FTO: variants seen among roughly 807,000 people sequenced by gnomAD.
The protein encoded by FTO is FTO alpha-ketoglutarate dependent dioxygenase.
FTO carries 47 observed loss-of-function variants against 63.9 expected under a neutral mutation model. That is an observed-to-expected ratio of 0.74 (90% CI 0.58 to 0.94). FTO has a LOEUF of 0.94. Among genes scored for constraint, FTO ranks in the 40% least tolerant of loss-of-function variants. FTO has a pLI of 0.00. For missense variants in FTO, 562 were observed against 618.1 expected, an observed-to-expected ratio of 0.91 and a Z score of 0.96; for synonymous variants, 207 against 224.4, an observed-to-expected ratio of 0.92 and a Z score of 0.69.
intron 8 of FTO, among the ~76,000 whole-genome samples, chr16:54,007,181 A>G (rs2084227398): frequency 6.6e-6 from 1 of 152,224 alleles, no homozygotes; most frequent in Non-Finnish European, 1.5e-5. Flanking sequence ...TCAGAGTGAA[A>G]AAGAATGGTC....
intron 1 of FTO, among the ~76,000 whole-genome samples, chr16:53,728,889 G>A (rs922570628): frequency 6.6e-6 from 1 of 150,928 alleles, no homozygotes; most frequent in African/African-American, 2.4e-5. Context: ...CAGCCTCCAA[G>A]TAGCTGGGAC....
Position 54,112,298 on chromosome 16 carries a change from A to C in FTO, c.*383A>C, listed in dbSNP as rs571932501. The C allele has an allele frequency of 3.3e-6, 1 of 303,636 alleles. No individual in the cohort carries two copies. The highest frequency in any genetic ancestry group is 8.5e-5 in the East Asian group (1 of 11,756). 18.8% of individuals were successfully genotyped at this position (303,636 alleles called of 1,614,324 possible). A position where few individuals can be genotyped will look rare whatever the true frequency, so the allele number is the denominator to read the frequency against. ...GACCCAGCCCTCTGGGGAAAGACAG[A>C]ACTTAGAGACATCCCAGTTACTCAC... On this transcript the variant is annotated 3_prime_UTR_variant, in exon 9 of 9. Coordinates refer to ENST00000471389, the MANE Select transcript of FTO (RefSeq NM_001080432.3).
chr16:54,063,361 C>T (rs1333152448), intron 8 of FTO, among the ~76,000 whole-genome samples: 2 of 152,108 alleles, frequency 1.3e-5, no homozygotes, highest in African/African-American at 2.4e-5. Context: ...ATCTGCTTTT[C>T]GTCAATGAAA....
At position 54,116,870 on chromosome 16, in the gene FTO, C is replaced by T. The variant is rs2086978020; in HGVS notation, c.*4955C>T. 6.6e-6 allele frequency: 1 copy of T among 152,460 alleles called. No homozygotes were observed. The highest frequency in any genetic ancestry group is 1.5e-5 in the Non-Finnish European group (1 of 68,272). 9.4% of individuals were successfully genotyped at this position (152,460 alleles called of 1,614,324 possible). The stretch of plus-strand genomic sequence containing the variant: ...CCAGATCCCGGCTAGAAGGACCAGA[C>T]AGCTTTCCACCCCGGTTCCCAGGCA... On this transcript the variant is annotated 3_prime_UTR_variant, in exon 9 of 9. Transcript: ENST00000471389.
At chr16:53,789,767 T>TATATATAC (rs144269494) in intron 1 of FTO, among the ~76,000 whole-genome samples, 9 of 147,720 alleles carry the variant, frequency 6.1e-5, no homozygotes, top group South Asian at 4.3e-4. Flanking sequence ...TATATATATA[T>TATATATAC]ACACACACAC....
chr16:53,975,285 C>T (rs2083412158), intron 8 of FTO, among the ~76,000 whole-genome samples: 1 of 151,316 alleles, frequency 6.6e-6, no homozygotes, highest in Non-Finnish European at 1.5e-5. Flanking sequence ...AAATTTAAAC[C>T]TATTTATTTA....
intron 1 of FTO, among the ~76,000 whole-genome samples, chr16:53,802,522 C>T (rs748085197): frequency 5.3e-5 from 8 of 152,136 alleles, no homozygotes; most frequent in South Asian, 4.1e-4. Flanking sequence ...GATTATGTTG[C>T]GTTTTAGTGT....
At chr16:53,727,843 G>A (rs2076186098) in intron 1 of FTO, among the ~76,000 whole-genome samples, 1 of 152,200 alleles carries the variant, frequency 6.6e-6, no homozygotes, top group Non-Finnish European at 1.5e-5. Context: ...GGTACTGTTT[G>A]TAAAGTACTT....
In FTO at chr16:53,952,004, G is replaced by A. The variant is rs2082813274; in HGVS notation, c.1364+17895G>A. On this transcript the variant is annotated intron_variant, in intron 8 of 8. Transcript: ENST00000471389. The stretch of plus-strand genomic sequence containing the variant: ...TGCTATTGATTATGAAGAAGATGCT[G>A]ATCATCATCATCATCATAATAATAG... 2.0e-5 allele frequency among the ~76,000 whole-genome samples: 3 copies of A among 152,066 alleles called. No homozygotes were observed. The South Asian group carries it at 6.2e-4, about 32-fold the overall frequency.
At chr16:53,796,646 CAAG>C (rs2151702531) in intron 1 of FTO, among the ~76,000 whole-genome samples, 1 of 152,200 alleles carries the variant, frequency 6.6e-6, no homozygotes, top group African/African-American at 2.4e-5. Context: ...TAAATTGCTT[CAAG>C]AAGTAGAAAA....
chr16:53,724,651 G>T (rs1446413643), intron 1 of FTO, among the ~76,000 whole-genome samples: 2 of 151,968 alleles, frequency 1.3e-5, no homozygotes, highest in Non-Finnish European at 2.9e-5. Flanking sequence ...TGCCTTTTTT[G>T]GCCAATTGCC....
chr16:53,907,285 AC>A (rs556020623), intron 7 of FTO, among the ~76,000 whole-genome samples: 69 of 152,288 alleles, frequency 4.5e-4, no homozygotes, highest in African/African-American at 1.6e-3. Flanking sequence ...GCATTAGCCT[AC>A]CCTTGGCAAG....
intron 7 of FTO, among the ~76,000 whole-genome samples, chr16:53,932,241 A>T (rs117645324): frequency 6.6e-6 from 1 of 152,278 alleles, no homozygotes; most frequent in East Asian, 1.9e-4. Flanking sequence ...CAGTAGATGG[A>T]ATACTGGGAT....
chr16:53,736,355 TA>T (rs58789508), intron 1 of FTO, among the ~76,000 whole-genome samples: 3,852 of 122,676 alleles, frequency 0.031, 106 homozygotes, highest in African/African-American at 0.11. Flanking sequence ...AAAGTATAAT[TA>T]AAAAAAAAAA....
chr16:53,951,901 G>C (rs748766782), intron 8 of FTO, among the ~76,000 whole-genome samples: 29 of 152,034 alleles, frequency 1.9e-4, no homozygotes, highest in Non-Finnish European at 1.6e-4. Flanking sequence ...CATGATAGTG[G>C]ATCACATCAT....
At chr16:53,723,355 G>A (rs2076083785) in intron 1 of FTO, among the ~76,000 whole-genome samples, 1 of 152,144 alleles carries the variant, frequency 6.6e-6, no homozygotes, top group Non-Finnish European at 1.5e-5. Flanking sequence ...TGATTATAAA[G>A]TTTTTAGTAT....
At chr16:53,848,213 C>T (rs559218878) in intron 4 of FTO, among the ~76,000 whole-genome samples, 224 of 152,242 alleles carry the variant, frequency 1.5e-3, no homozygotes, top group African/African-American at 5.1e-3. Context: ...GCACAAGGAG[C>T]CCCGTAGAGG....
At chr16:53,789,769 C>T (rs2042029) in intron 1 of FTO, among the ~76,000 whole-genome samples, 23,553 of 113,928 alleles carry the variant, frequency 0.21, 2,245 homozygotes, top group East Asian at 0.54. Context: ...TATATATATA[C>T]ACACACACAC....
At chr16:53,789,415 C>T (rs2077835086) in intron 1 of FTO, among the ~76,000 whole-genome samples, 1 of 152,156 alleles carries the variant, frequency 6.6e-6, no homozygotes, top group African/African-American at 2.4e-5. Context: ...CCTAGAAAAA[C>T]TTGACCGTTC....
Sources: gnomAD v4.1 joint callset for allele counts (sites outside exome capture counted in the v4.1 genomes callset) on GRCh38, gnomAD v4.1.1 for gene constraint, MANE v1.5 for transcripts, NCBI Gene and HGNC (gene_info 2026-07-23, HGNC 2026-07-21) for gene names.